The following TTLL5 variants were observed in gnomAD, a reference collection of about 807,000 sequenced individuals.
The protein encoded by TTLL5 is tubulin polyglutamylase TTLL5.
A neutral mutation model predicts 168.4 loss-of-function variants in TTLL5; 132 were observed. That is an observed-to-expected ratio of 0.78 (90% confidence interval 0.68 to 0.91). The LOEUF is 0.91. Ranked by LOEUF, TTLL5 falls within the 40% of genes least tolerant of loss-of-function variation. The pLI is 0.00. For synonymous variants in TTLL5, 546 were observed against 558.6 expected, an observed-to-expected ratio of 0.98 and a Z score of 0.32; for missense variants, 1,545 against 1,581.5, an observed-to-expected ratio of 0.98 and a Z score of 0.39.
At chr14:75,791,888 A>G (rs907042578) in intron 26 of TTLL5, among the ~76,000 whole-genome samples, 9 of 152,144 alleles carry the variant, frequency 5.9e-5, no homozygotes, top group Admixed American at 2.6e-4. Context: ...GACTTTTACA[A>G]TCAGGAAAAA....
At chr14:75,798,673 A>G (rs1893121243) in intron 27 of TTLL5, among the ~76,000 whole-genome samples, 1 of 152,106 alleles carries the variant, frequency 6.6e-6, no homozygotes, top group Non-Finnish European at 1.5e-5. Context: ...CACTGTTATC[A>G]TTCAGCTCAA....
At chr14:75,880,841 C>T (rs1373388353) in intron 29 of TTLL5, among the ~76,000 whole-genome samples, 4 of 152,218 alleles carry the variant, frequency 2.6e-5, no homozygotes, top group African/African-American at 9.6e-5. Context: ...ATCCGGAAAC[C>T]TCCCCATGTG....
At chr14:75,809,705 A>G (rs944155487) in intron 27 of TTLL5, among the ~76,000 whole-genome samples, 3 of 152,144 alleles carry the variant, frequency 2.0e-5, no homozygotes, top group Admixed American at 6.6e-5. Flanking sequence ...TCATGAATCA[A>G]TATCTCTTCT....
chr14:75,880,938 G>C (rs949401837), intron 29 of TTLL5, among the ~76,000 whole-genome samples: 5 of 152,052 alleles, frequency 3.3e-5, no homozygotes, highest in Non-Finnish European at 5.9e-5. Context: ...TTTTGAGACA[G>C]GGTCTAGCTC....
intron 9 of TTLL5, among the ~76,000 whole-genome samples, chr14:75,713,893 GA>G (rs1281903530): frequency 6.6e-6 from 1 of 151,596 alleles, no homozygotes; most frequent in Admixed American, 6.6e-5. Context: ...AGAATTATAT[GA>G]AAAATTACCT....
chr14:75,928,852 T>C lies in TTLL5; in HGVS notation c.3824-25572T>C, dbSNP rs115237213. 5.8e-3 allele frequency among the ~76,000 whole-genome samples: 889 copies of C among 152,286 alleles called. 14 individuals are homozygous for C. Among genetic ancestry groups the C allele is most frequent in the South Asian group, 0.027 (129 of 4,820 alleles). ...GATGAAGAGCAGGTTAATCCTGCTA[T>C]TTCATTTCCCTTGCAGAAAGGGTGG... is the stretch of plus-strand genomic sequence containing the variant. On this transcript the variant is annotated intron_variant, in intron 31 of 31. Transcript: ENST00000298832.
At chr14:75,744,167 A>G (rs555297355) in intron 15 of TTLL5, among the ~76,000 whole-genome samples, 1 of 152,338 alleles carries the variant, frequency 6.6e-6, no homozygotes, top group South Asian at 2.1e-4. Context: ...CTCTGGTTGA[A>G]GTTACTTCTA....
intron 26 of TTLL5, among the ~76,000 whole-genome samples, chr14:75,792,655 A>G (rs1892793506): frequency 2.0e-5 from 3 of 152,190 alleles, no homozygotes; most frequent in South Asian, 4.1e-4. Context: ...ATATAATGAA[A>G]ATTCTTCTTT....
Position 75,682,945 on chromosome 14 carries a change from A to T in TTLL5, c.265-605A>T, listed in dbSNP as rs183789246. ...CCACTCCTGGCTAATTAAAAAAAAA[A>T]TTTTTTTTATAGAGACAGGGTCTTA... On this transcript the variant is annotated intron_variant, in intron 4 of 31. Transcript: ENST00000298832. Among the ~76,000 whole-genome samples the T allele has an allele frequency of 2.1e-3, 318 of 151,130 alleles. 1 individual carries two copies. The highest frequency in any genetic ancestry group is 0.014 in the East Asian group (73 of 5,110).
chr14:75,801,013 A>T (rs990989555), intron 27 of TTLL5, among the ~76,000 whole-genome samples: 1 of 152,036 alleles, frequency 6.6e-6, no homozygotes, highest in Non-Finnish European at 1.5e-5. Flanking sequence ...GCATCAGCTG[A>T]TACAAGCTTG....
At chr14:75,822,350 T>G (rs919013349) in intron 28 of TTLL5, among the ~76,000 whole-genome samples, 3 of 152,190 alleles carry the variant, frequency 2.0e-5, no homozygotes, top group African/African-American at 7.2e-5. Flanking sequence ...TAAGCATACT[T>G]ACATATGAAG....
In TTLL5 at chr14:75,820,170, AG is replaced by A. The variant is rs1472068090; in HGVS notation, c.3326+12del. On this transcript the variant is annotated intron_variant, in intron 28 of 31. Transcript: ENST00000298832. ...AGCTCTCCTGGAAGCAGGTATGTGA[AG>A]GGCCCTGCAACTAGCATTTGGGTTA... is the stretch of plus-strand genomic sequence containing the variant. 6.4e-7 allele frequency: 1 copy of A among 1,574,268 alleles called. No homozygotes were observed. Among genetic ancestry groups the A allele is most frequent in the Admixed American group, 1.9e-5 (1 of 53,102 alleles).
chr14:75,944,949 A>G (rs2034721458), intron 31 of TTLL5, among the ~76,000 whole-genome samples: 1 of 152,068 alleles, frequency 6.6e-6, no homozygotes. Context: ...GCATGCGTAC[A>G]ACTCCAGTAA....
chr14:75,667,765 T>TTG (rs1326111335), intron 2 of TTLL5, among the ~76,000 whole-genome samples: 1 of 144,976 alleles, frequency 6.9e-6, no homozygotes, highest in East Asian at 2.0e-4. Flanking sequence ...TTTTTTTTTT[T>TTG]TTTTTTTTTT....
intron 18 of TTLL5, among the ~76,000 whole-genome samples, chr14:75,759,280 T>A (rs961249586): frequency 6.6e-6 from 1 of 152,170 alleles, no homozygotes; most frequent in African/African-American, 2.4e-5. Flanking sequence ...TTAGTTGAAA[T>A]GACAATTCTT....
In TTLL5 at chr14:75,819,991, C is replaced by T. The variant is rs762842146; in HGVS notation, c.3172-16C>T. On this transcript the variant is annotated splice_polypyrimidine_tract_variant and intron_variant, in intron 27 of 31. Coordinates refer to ENST00000298832, the MANE Select transcript of TTLL5 (RefSeq NM_015072.5). ...AACTCTGTAAAGTCAGGTTATTTCC[C>T]TCGCTTTATTTCTAGGTAACAAACC... 3.2e-6 allele frequency: 5 copies of T among 1,582,962 alleles called. No homozygotes were observed. Among genetic ancestry groups the T allele is most frequent in the Non-Finnish European group, 3.4e-6 (4 of 1,167,700 alleles).
intron 30 of TTLL5, among the ~76,000 whole-genome samples, chr14:75,893,389 A>C (rs2032497659): frequency 6.6e-6 from 1 of 152,252 alleles, no homozygotes; most frequent in African/African-American, 2.4e-5. Context: ...AAATCTGCGT[A>C]AATGACAAAG....
intron 27 of TTLL5, among the ~76,000 whole-genome samples, chr14:75,806,673 C>T (rs1893676369): frequency 6.6e-6 from 1 of 152,188 alleles, no homozygotes; most frequent in Admixed American, 6.5e-5. Flanking sequence ...CTAGGTATGT[C>T]AAGATAGCTC....
At chr14:75,687,366 T>C (rs1322983097) in intron 5 of TTLL5, among the ~76,000 whole-genome samples, 6 of 152,128 alleles carry the variant, frequency 3.9e-5, no homozygotes, top group African/African-American at 1.2e-4. Flanking sequence ...CTCTGCCTCC[T>C]GGGTTCAAGC....
Sources: gnomAD v4.1 joint callset for allele counts (sites outside exome capture counted in the v4.1 genomes callset) on GRCh38, gnomAD v4.1.1 for gene constraint, MANE v1.5 for transcripts, NCBI Gene and HGNC (gene_info 2026-07-23, HGNC 2026-07-21) for gene names.